Variants in MED12L observed in about 807,000 individuals in gnomAD.
MED12L encodes mediator of RNA polymerase II transcription subunit 12-like protein.
A neutral mutation model predicts 281.3 loss-of-function variants in MED12L; 60 were observed. That is an observed-to-expected ratio of 0.21 (90% CI 0.17 to 0.26). The LOEUF is 0.26. Ranked by LOEUF, MED12L falls within the 10% of genes least tolerant of loss-of-function variation. MED12L has a pLI of 1.00. For missense variants in MED12L, 2,146 were observed against 2,680.9 expected (o/e 0.80, Z 4.41); for synonymous variants, 974 against 987.2 (o/e 0.99, Z 0.25).
At chr3:151,352,911 G>A (rs1047326655) in intron 17 of MED12L, among the ~76,000 whole-genome samples, 18 of 152,030 alleles carry the variant, frequency 1.2e-4, no homozygotes, top group South Asian at 2.1e-4. Flanking sequence ...TGTTATAAAA[G>A]CAAATTAACA....
At chr3:151,111,621 G>A (rs994573882) in intron 2 of MED12L, among the ~76,000 whole-genome samples, 1 of 152,180 alleles carries the variant, frequency 6.6e-6, no homozygotes, top group African/African-American at 2.4e-5. Context: ...CCACAACTGC[G>A]AGCCAGAGGA....
In MED12L at chr3:151,158,795, T is replaced by G; in HGVS notation, c.833T>G (p.Leu278Arg). 1 of 1,604,564 alleles carries G rather than the reference T, an allele frequency of 6.2e-7. No homozygotes were observed. The highest frequency in any genetic ancestry group is 8.5e-7 in the Non-Finnish European group (1 of 1,171,566). Residue 278 changes from leucine to arginine, a missense_variant, in exon 7 of 45, where the codon CTG (leucine) becomes CGG (arginine). Physicochemically the swap from Leu to Arg is moderately radical, Grantham distance 102 (BLOSUM62 -2). Around this residue, in one of 9 missense-constraint regions of MED12L, gnomAD observed 722 missense variants for 861.2 expected, o/e 0.84. Coordinates refer to ENST00000687756, the MANE Select transcript of MED12L (RefSeq NM_001393769.1). The part of the protein sequence containing the change: ...DLLKLLLPLM[L>R]QYSDEFVQSA... ...CTTAAACTCTTGCTACCACTAATGC[T>G]GCAGGTATAGTACATGTCCCCTTGA...
chr3:151,312,881 A>AC (rs1412294127), intron 16 of MED12L, among the ~76,000 whole-genome samples: 1 of 152,200 alleles, frequency 6.6e-6, no homozygotes, highest in African/African-American at 2.4e-5. Flanking sequence ...ATGAAGTATT[A>AC]CCATAGCATA....
At chr3:151,429,823 G>A (rs985091932) in intron 43 of MED12L, among the ~76,000 whole-genome samples, 3 of 152,092 alleles carry the variant, frequency 2.0e-5, no homozygotes, top group Non-Finnish European at 2.9e-5. Flanking sequence ...ATATGGGGAG[G>A]GTATAGTCCC....
At chr3:151,217,520 G>A (rs1728478907) in intron 16 of MED12L, among the ~76,000 whole-genome samples, 1 of 152,214 alleles carries the variant, frequency 6.6e-6, no homozygotes, top group African/African-American at 2.4e-5. Context: ...TGGAGTGAAT[G>A]CACACAGCTT....
chr3:151,116,212 T>A, intron 2 of MED12L, 126 bp from the exon 3 acceptor site: 1 of 611,048 alleles, frequency 1.6e-6, no homozygotes. Context: ...CTTCTCTGAT[T>A]GTTGTCCTTT....
intron 11 of MED12L, among the ~76,000 whole-genome samples, chr3:151,178,615 A>C (rs1036732233): frequency 6.6e-5 from 10 of 152,214 alleles, no homozygotes; most frequent in Non-Finnish European, 1.3e-4. Context: ...TTGTGGGAAG[A>C]GCTCCATTAC....
At chr3:151,149,714 A>T (rs2148903120) in intron 5 of MED12L, among the ~76,000 whole-genome samples, 1 of 152,362 alleles carries the variant, frequency 6.6e-6, no homozygotes, top group African/African-American at 2.4e-5. Context: ...AATTGGAGTC[A>T]GTCCTCTCAA....
chr3:151,141,178 G>GTTTTTTTTTTTTTTTTTTTTTTTT (rs370095367), intron 5 of MED12L, among the ~76,000 whole-genome samples: 3 of 102,230 alleles, frequency 2.9e-5, no homozygotes, highest in African/African-American at 1.3e-4. Flanking sequence ...TTTTTTTTTT[G>GTTTTTTTTTTTTTTTTTTTTTTTT]TTTTTTTTGT....
intron 43 of MED12L, chr3:151,425,605 C>T (rs1193112178): frequency 2.2e-6 from 1 of 455,260 alleles, no homozygotes; most frequent in Non-Finnish European, 4.4e-6. Flanking sequence ...ATTCAGCAAA[C>T]AATGGTATTT....
At chr3:151,350,002 G>A in intron 16 of MED12L, 57 bp from the exon 17 acceptor site, 2 of 1,562,178 alleles carry the variant, frequency 1.3e-6, no homozygotes, top group East Asian at 2.3e-5. Flanking sequence ...TCAGGGATAT[G>A]AAATGCAACC....
chr3:151,400,501 C>T (rs991979864), intron 39 of MED12L, among the ~76,000 whole-genome samples: 4 of 152,116 alleles, frequency 2.6e-5, no homozygotes, highest in African/African-American at 9.7e-5. Context: ...GTATATGTAG[C>T]GACCAGTACA....
At chr3:151,099,165 C>T (rs1721097551) in intron 2 of MED12L, among the ~76,000 whole-genome samples, 2 of 152,074 alleles carry the variant, frequency 1.3e-5, no homozygotes, top group Non-Finnish European at 2.9e-5. Flanking sequence ...ACAGCCAAAC[C>T]ATATCAAGGG....
intron 16 of MED12L, among the ~76,000 whole-genome samples, chr3:151,306,799 T>C (rs1746724200): frequency 6.6e-6 from 1 of 152,234 alleles, no homozygotes; most frequent in Non-Finnish European, 1.5e-5. Context: ...GAAATATCAG[T>C]GCCAGTTAAA....
chr3:151,208,415 G>A (rs544551321), intron 16 of MED12L, among the ~76,000 whole-genome samples: 6 of 152,312 alleles, frequency 3.9e-5, no homozygotes, highest in South Asian at 4.1e-4. Flanking sequence ...GAGGCCGGGC[G>A]CTCACGCCTG....
intron 16 of MED12L, among the ~76,000 whole-genome samples, chr3:151,230,531 CTG>C (rs1176612453): frequency 6.6e-6 from 1 of 150,936 alleles, no homozygotes; most frequent in Admixed American, 6.6e-5. Flanking sequence ...CATCCTTGGA[CTG>C]TGAAACGTGC....
At chr3:151,142,233 T>C (rs1351718919) in intron 5 of MED12L, among the ~76,000 whole-genome samples, 1 of 152,180 alleles carries the variant, frequency 6.6e-6, no homozygotes, top group African/African-American at 2.4e-5. Flanking sequence ...TGGGTCCTGT[T>C]TGATTTACAG....
At chr3:151,329,635 A>G in intron 16 of MED12L, 1 of 689,906 alleles carries the variant, frequency 1.4e-6, no homozygotes, top group Non-Finnish European at 2.4e-6. Flanking sequence ...ACCTCTTCAT[A>G]TTTAGACCTT....
intron 8 of MED12L, among the ~76,000 whole-genome samples, chr3:151,162,079 T>C (rs939120970): frequency 2.6e-5 from 4 of 152,200 alleles, no homozygotes; most frequent in Non-Finnish European, 5.9e-5. Flanking sequence ...AGATGGCAGC[T>C]GAGTGGAGAG....
Sources: gnomAD v4.1 joint callset for allele counts (sites outside exome capture counted in the v4.1 genomes callset) on GRCh38, gnomAD v4.1.1 for gene constraint, gnomAD v4.1.1 regional missense constraint, MANE v1.5 for transcripts, NCBI Gene and HGNC (gene_info 2026-07-23, HGNC 2026-07-21) for gene names.